Variants in RNF185 observed in about 807,000 individuals in gnomAD.
The protein encoded by RNF185 is ring finger protein 185, also known as E3 ubiquitin-protein ligase RNF185.
RNF185 carries 13 observed loss-of-function variants against 24.9 expected under a neutral mutation model. The ratio of observed to expected loss-of-function variants is 0.52; its 90% CI spans 0.34 to 0.83. The LOEUF is 0.83. RNF185 is among the 40% of genes least tolerant of loss of function. The probability of loss-of-function intolerance (pLI) is 0.01; values close to 1 mark genes in which losing one functional copy is unlikely to be tolerated. For synonymous variants in RNF185, 79 were observed against 90.3 expected, an observed-to-expected ratio of 0.88 and a Z score of 0.71; for missense variants, 184 against 244.7, an observed-to-expected ratio of 0.75 and a Z score of 1.65.
intron 2 of RNF185, among the ~76,000 whole-genome samples, chr22:31,190,068 GT>G (rs2048141746): frequency 6.6e-6 from 1 of 152,164 alleles, no homozygotes; most frequent in Non-Finnish European, 1.5e-5. Context: ...TAATGTGACC[GT>G]CCAGTGACAT....
intron 1 of RNF185, among the ~76,000 whole-genome samples, chr22:31,166,258 T>A (rs2147919205): frequency 1.3e-5 from 2 of 152,252 alleles, no homozygotes; most frequent in Middle Eastern, 6.8e-3. Flanking sequence ...CCCAAAGTGC[T>A]GGGATTACAG....
intron 3 of RNF185, among the ~76,000 whole-genome samples, chr22:31,192,940 G>T (rs1343683654): frequency 6.6e-6 from 1 of 152,168 alleles, no homozygotes; most frequent in Non-Finnish European, 1.5e-5. Flanking sequence ...TTATAAATTG[G>T]ATTGGATTGA....
chr22:31,194,952 G>T (rs373810537), intron 3 of RNF185, among the ~76,000 whole-genome samples: 7 of 151,360 alleles, frequency 4.6e-5, no homozygotes, highest in Non-Finnish European at 1.5e-5. Flanking sequence ...TAATTGTGAT[G>T]ATTTTTTTTC....
Position 31,160,323 on chromosome 22 carries a change from T to A in RNF185, c.-49+20T>A, listed in dbSNP as rs1189279973. On this transcript the variant is annotated intron_variant, in intron 1 of 6. Coordinates refer to ENST00000326132, the MANE Select transcript of RNF185 (RefSeq NM_152267.4). ...AGGCAGGTATGTGAGGGGCTGGGGT[T>A]GGGGCGGGGGCGCCAAAGTTTAGGG... 3.3e-5 allele frequency: 1 copy of A among 30,326 alleles called. No homozygotes were observed. Among genetic ancestry groups the A allele is most frequent in the African/African-American group, 1.4e-4 (1 of 7,220 alleles). 1.9% of individuals were successfully genotyped at this position (30,326 alleles called of 1,614,324 possible).
At chr22:31,198,704 C>CTTTTTTTTTT (rs1196076379) in intron 5 of RNF185, among the ~76,000 whole-genome samples, 1 of 69,678 alleles carries the variant, frequency 1.4e-5, no homozygotes, top group African/African-American at 5.2e-5. Context: ...CTGCCACTTT[C>CTTTTTTTTTT]TTTTTTTTTT....
intron 3 of RNF185, 110 bp downstream of exon 3, chr22:31,192,812 C>T: frequency 3.1e-6 from 3 of 975,454 alleles, no homozygotes; most frequent in Admixed American, 1.9e-5. Flanking sequence ...CTTGTGGGCT[C>T]ATTTGCTTAC....
chr22:31,203,165 C>T (rs2048280381), intron 6 of RNF185, among the ~76,000 whole-genome samples: 3 of 152,212 alleles, frequency 2.0e-5, no homozygotes. Context: ...CCCCCTGCCA[C>T]AGTCACAGTT....
chr22:31,182,908 T>TTTATTATTATTATAA (rs2048053230), intron 1 of RNF185: 1 of 143,060 alleles, frequency 7.0e-6, no homozygotes, highest in Non-Finnish European at 1.5e-5. Flanking sequence ...ATTTATTTTA[T>TTTATTATTATTATAA]TTATTATTAT....
At chr22:31,164,330 T>C (rs1602780485) in intron 1 of RNF185, among the ~76,000 whole-genome samples, 1 of 152,196 alleles carries the variant, frequency 6.6e-6, no homozygotes, top group East Asian at 1.9e-4. Flanking sequence ...CAAAAATAAT[T>C]CACAAACTTT....
At chr22:31,189,135 A>ATATGTGTGTGTGTGTGTGTGTG (rs368967009) in intron 2 of RNF185, among the ~76,000 whole-genome samples, 19 of 136,866 alleles carry the variant, frequency 1.4e-4, no homozygotes, top group Non-Finnish European at 2.3e-4. Flanking sequence ...CAAAAAAAAA[A>ATATGTGTGTGTGTGTGTGTGTG]TGTGTGTGTG....
At chr22:31,180,860 CA>C (rs2048027443) in intron 1 of RNF185, among the ~76,000 whole-genome samples, 1 of 151,550 alleles carries the variant, frequency 6.6e-6, no homozygotes, top group Non-Finnish European at 1.5e-5. Context: ...CTTATAATCC[CA>C]GAAATAACTG....
intron 1 of RNF185, among the ~76,000 whole-genome samples, chr22:31,181,190 T>G (rs930084996): frequency 1.3e-5 from 2 of 151,536 alleles, no homozygotes; most frequent in African/African-American, 2.4e-5. Context: ...CAAAATAATT[T>G]AAAAATTAGC....
intron 1 of RNF185, among the ~76,000 whole-genome samples, chr22:31,177,643 C>T (rs1448735199): frequency 1.3e-5 from 2 of 152,178 alleles, no homozygotes; most frequent in African/African-American, 2.4e-5. Context: ...TAGACAGGCT[C>T]AGGCATGCCA....
chr22:31,161,050 C>T (rs1317497930), intron 1 of RNF185, among the ~76,000 whole-genome samples: 1 of 152,168 alleles, frequency 6.6e-6, no homozygotes, highest in African/African-American at 2.4e-5. Context: ...GTAAAGAGAG[C>T]ACTGGAAGGG....
intron 1 of RNF185, among the ~76,000 whole-genome samples, chr22:31,162,886 T>TC (rs1252507451): frequency 6.6e-6 from 1 of 151,228 alleles, no homozygotes; most frequent in Non-Finnish European, 1.5e-5. Flanking sequence ...TGCCTCAGCC[T>TC]CCCGAATAGC....
At chr22:31,170,187 T>G (rs5997895) in intron 1 of RNF185, among the ~76,000 whole-genome samples, 72,964 of 151,288 alleles carry the variant, frequency 0.48, 18,326 homozygotes, top group Middle Eastern at 0.59. Flanking sequence ...TTTTTGTTTT[T>G]TTTTTTTGTT....
intron 2 of RNF185, among the ~76,000 whole-genome samples, chr22:31,191,507 A>T (rs1455017037): frequency 1.3e-5 from 2 of 152,212 alleles, no homozygotes; most frequent in African/African-American, 4.8e-5. Flanking sequence ...CACAGTAGAT[A>T]TGTGTTAACT....
At position 31,186,609 on chromosome 22, in the gene RNF185, T is replaced by A. The variant is rs183489379; in HGVS notation, c.-48-438T>A. On this transcript the variant is annotated intron_variant, in intron 1 of 6. Transcript: ENST00000326132. Reference sequence around the variant, plus strand: ...AGAGTGAAACTCCATCTCTTAAAAATATATATATATGTTCTGGCATATGAC... The same window carrying A: ...AGAGTGAAACTCCATCTCTTAAAAAAATATATATATGTTCTGGCATATGAC... Among the ~76,000 whole-genome samples, 37 of 152,156 alleles carry A rather than the reference T, an allele frequency of 2.4e-4. No homozygotes were observed. The East Asian group carries it at 5.4e-3, about 22-fold the overall frequency.
At chr22:31,186,458 C>G (rs1038978560) in intron 1 of RNF185, among the ~76,000 whole-genome samples, 1 of 151,784 alleles carries the variant, frequency 6.6e-6, no homozygotes, top group African/African-American at 2.4e-5. Context: ...AAAAATTAGC[C>G]AGGTGTGGTG....
Sources: allele counts gnomAD v4.1 joint callset (sites outside exome capture counted in the v4.1 genomes callset), GRCh38; gene constraint gnomAD v4.1.1; transcripts MANE v1.5; gene names NCBI Gene and HGNC (gene_info 2026-07-23, HGNC 2026-07-21).